Variants in KCNAB1 observed in about 807,000 individuals in gnomAD.
KCNAB1 encodes the protein potassium voltage-gated channel subfamily A regulatory beta subunit 1.
KCNAB1 carries 35 observed loss-of-function variants against 64.6 expected under a neutral mutation model. The ratio of observed to expected loss-of-function variants is 0.54; its 90% CI spans 0.41 to 0.72. KCNAB1 has a LOEUF of 0.72. KCNAB1 is among the 30% of genes least tolerant of loss of function. The pLI is 0.00. For synonymous variants in KCNAB1, 177 were observed against 183.8 expected, an observed-to-expected ratio of 0.96 and a Z score of 0.30; for missense variants, 401 against 512.9, an observed-to-expected ratio of 0.78 and a Z score of 2.11.
At chr3:156,226,383 C>T (rs1024149638) in intron 1 of KCNAB1, among the ~76,000 whole-genome samples, 1 of 147,684 alleles carries the variant, frequency 6.8e-6, no homozygotes, top group African/African-American at 2.7e-5. Flanking sequence ...AACTAGATAT[C>T]TATCTCTCAC....
At chr3:156,120,949 C>T in intron 1 of KCNAB1, 63 bp downstream of exon 1, 4 of 1,565,996 alleles carry the variant, frequency 2.6e-6, no homozygotes, top group Middle Eastern at 2.1e-4. Context: ...CTGGAGAATG[C>T]TTTGATTTCT....
At chr3:156,307,557 A>G (rs1721586491) in intron 1 of KCNAB1, among the ~76,000 whole-genome samples, 2 of 152,156 alleles carry the variant, frequency 1.3e-5, no homozygotes, top group African/African-American at 4.8e-5. Context: ...CTGTAAAAAG[A>G]AAATCAAGGG....
At chr3:156,451,766 C>G (rs184076374) in intron 2 of KCNAB1, among the ~76,000 whole-genome samples, 190 of 152,252 alleles carry the variant, frequency 1.2e-3, no homozygotes, top group African/African-American at 4.2e-3. Flanking sequence ...CCCTGCTCAT[C>G]AGCACTCTCT....
intron 1 of KCNAB1, among the ~76,000 whole-genome samples, chr3:156,182,636 C>CT (rs1560124887): frequency 6.6e-6 from 1 of 151,662 alleles, no homozygotes; most frequent in East Asian, 1.9e-4. Flanking sequence ...TTTTCCCCCC[C>CT]CCGGGTCTTA....
intron 8 of KCNAB1, among the ~76,000 whole-genome samples, chr3:156,501,040 G>A (rs1202198088): frequency 2.0e-5 from 3 of 152,166 alleles, no homozygotes; most frequent in African/African-American, 7.2e-5. Flanking sequence ...GTCTCTACTA[G>A]AGGCCGCTGT....
At chr3:156,538,745 C>T (rs1719252314), downstream of KCNAB1, 1 of 152,224 alleles carries the variant, frequency 6.6e-6, no homozygotes, top group Non-Finnish European at 1.5e-5. Flanking sequence ...CTAAGCTGCA[C>T]TGAATACTCA....
At chr3:156,121,083 A>G (rs1271492597) in intron 1 of KCNAB1, among the ~76,000 whole-genome samples, 197 bp downstream of exon 1, 1 of 152,246 alleles carries the variant, frequency 6.6e-6, no homozygotes, top group Admixed American at 6.5e-5. Flanking sequence ...CTGCATTGTT[A>G]TTCAGAAAAG....
chr3:156,484,929 C>T (rs1237251840), intron 8 of KCNAB1, among the ~76,000 whole-genome samples: 1 of 152,080 alleles, frequency 6.6e-6, no homozygotes, highest in Non-Finnish European at 1.5e-5. Flanking sequence ...GGCTGAGTTG[C>T]TCAGACCTTC....
intron 1 of KCNAB1, among the ~76,000 whole-genome samples, chr3:156,358,293 A>C (rs1410035989): frequency 6.6e-6 from 1 of 152,196 alleles, no homozygotes; most frequent in Non-Finnish European, 1.5e-5. Flanking sequence ...ACCATCACCA[A>C]CAACAAAGCT....
intron 7 of KCNAB1, among the ~76,000 whole-genome samples, chr3:156,466,374 G>C (rs1191044902): frequency 6.6e-6 from 1 of 152,082 alleles, no homozygotes; most frequent in African/African-American, 2.4e-5. Flanking sequence ...CCATTTATCA[G>C]TTAAAGTGCG....
At chr3:156,180,536 T>C (rs1712733073) in intron 1 of KCNAB1, among the ~76,000 whole-genome samples, 1 of 152,220 alleles carries the variant, frequency 6.6e-6, no homozygotes, top group Non-Finnish European at 1.5e-5. Context: ...AATTATGACA[T>C]GTTTATTACT....
At chr3:156,511,228 C>G (rs7644664) in intron 8 of KCNAB1, among the ~76,000 whole-genome samples, 2 of 151,698 alleles carry the variant, frequency 1.3e-5, no homozygotes, top group African/African-American at 4.9e-5. Flanking sequence ...CTCAGCCTCC[C>G]GAGTAGCTGG....
At chr3:156,517,155 GA>G (rs1717616568) in intron 11 of KCNAB1, among the ~76,000 whole-genome samples, 1 of 152,184 alleles carries the variant, frequency 6.6e-6, no homozygotes, top group Non-Finnish European at 1.5e-5. Flanking sequence ...GTCCTTCTAA[GA>G]GGAAGTATAA....
intron 1 of KCNAB1, among the ~76,000 whole-genome samples, chr3:156,328,243 G>T (rs1208344804): frequency 6.6e-6 from 1 of 152,096 alleles, no homozygotes; most frequent in East Asian, 1.9e-4. Context: ...ATCATGAAGG[G>T]CTTGGTATAC....
chr3:156,216,543 G>A (rs1010664161), intron 1 of KCNAB1, among the ~76,000 whole-genome samples: 2 of 152,112 alleles, frequency 1.3e-5, no homozygotes, highest in South Asian at 2.1e-4. Context: ...TAGGTTTTCC[G>A]CCCAAACTAG....
chr3:156,435,228 A>C (rs1301540995), intron 2 of KCNAB1, among the ~76,000 whole-genome samples: 1 of 152,216 alleles, frequency 6.6e-6, no homozygotes, highest in Non-Finnish European at 1.5e-5. Context: ...AGAGAGGGTT[A>C]TAGTTTGTCT....
At chr3:156,164,259 A>G (rs376986624) in intron 1 of KCNAB1, among the ~76,000 whole-genome samples, 312 of 152,320 alleles carry the variant, frequency 2.0e-3, no homozygotes, top group African/African-American at 6.9e-3. Flanking sequence ...ATAAGAGAGC[A>G]TTATACCTTT....
intron 1 of KCNAB1, among the ~76,000 whole-genome samples, chr3:156,243,695 A>G (rs76863488): frequency 0.017 from 2,598 of 152,318 alleles, 48 homozygotes; most frequent in South Asian, 0.029. Context: ...TACTACTTCT[A>G]TTTAAGATTA....
intron 1 of KCNAB1, among the ~76,000 whole-genome samples, chr3:156,183,026 G>A (rs992008828): frequency 6.6e-6 from 1 of 152,112 alleles, no homozygotes. Context: ...AAGAATTTTA[G>A]TTCTAGCCTT....
Sources: allele counts gnomAD v4.1 joint callset (sites outside exome capture counted in the v4.1 genomes callset), GRCh38; gene constraint gnomAD v4.1.1; transcripts MANE v1.5; gene names NCBI Gene and HGNC (gene_info 2026-07-23, HGNC 2026-07-21).